Variants in VPS37B observed in about 807,000 individuals in gnomAD.
The protein encoded by VPS37B is VPS37B subunit of ESCRT-I, also known as vacuolar protein sorting-associated protein 37B.
A neutral mutation model predicts 21.2 loss-of-function variants in VPS37B; 11 were observed. The observed-to-expected ratio is 0.52, with a 90% CI of 0.33 to 0.86. The LOEUF is 0.86. VPS37B is among the 40% of genes least tolerant of loss of function. The pLI is 0.03. For synonymous variants in VPS37B, 175 were observed against 159.6 expected, an observed-to-expected ratio of 1.10 and a Z score of -0.73; for missense variants, 389 against 374.8, an observed-to-expected ratio of 1.04 and a Z score of -0.31.
chr12:122,870,789 T>A, intron 2 of VPS37B, 101 bp downstream of exon 2: 357 of 1,244,036 alleles, frequency 2.9e-4, no homozygotes, highest in East Asian at 9.0e-4. Context: ...TATCTTAACC[T>A]GAAATTTTTC....
At chr12:122,882,009 G>A (rs973631347) in intron 1 of VPS37B, 22 of 152,042 alleles carry the variant, frequency 1.4e-4, no homozygotes, top group Admixed American at 1.4e-3. Flanking sequence ...TTTCTAACAG[G>A]TAAGAACTTT....
At position 122,894,207 on chromosome 12, in the gene VPS37B, G is replaced by C. The variant is rs184648503; in HGVS notation, c.111+1745C>G. Among the ~76,000 whole-genome samples, 198 of 152,262 alleles carry C rather than the reference G, an allele frequency of 1.3e-3. 1 individual carries two copies. The highest frequency in any genetic ancestry group is 4.5e-3 in the African/African-American group (187 of 41,550). Reference sequence around the variant, plus strand: ...AAACTAAGCAAAGATTTTTTCTTTGGAGACATGAAACTCATTCAGCTAAGA... The same window carrying C: ...AAACTAAGCAAAGATTTTTTCTTTGCAGACATGAAACTCATTCAGCTAAGA... On this transcript the variant is annotated intron_variant, in intron 1 of 3. Transcript: ENST00000267202.
At chr12:122,883,883 G>A (rs961620859) in intron 1 of VPS37B, 2 of 152,214 alleles carry the variant, frequency 1.3e-5, no homozygotes, top group South Asian at 2.1e-4. Flanking sequence ...ACTAACAGGT[G>A]TCAATGGTTC....
intron 1 of VPS37B, chr12:122,872,473 G>A: frequency 1.0e-6 from 1 of 985,398 alleles, no homozygotes; most frequent in Non-Finnish European, 1.2e-6. Context: ...CTCGAAATGT[G>A]GGTGGTAGAA....
intron 1 of VPS37B, chr12:122,879,875 C>G (rs979279231): frequency 1.3e-5 from 2 of 152,062 alleles, no homozygotes; most frequent in Admixed American, 6.5e-5. Context: ...TTTGAGAGAC[C>G]GAGGCGGGCG....
At chr12:122,895,565 C>T (rs1025053152) in intron 1 of VPS37B, among the ~76,000 whole-genome samples, 1 of 151,954 alleles carries the variant, frequency 6.6e-6, no homozygotes, top group Non-Finnish European at 1.5e-5. Flanking sequence ...GCACTCTAAT[C>T]CCCAAATTCC....
Position 122,895,127 on chromosome 12 carries a change from A to T in VPS37B, c.111+825T>A, listed in dbSNP as rs189177256. ...GGGGCATTATTGGGACCCCTTAGAT[A>T]CATGGAACCTTCAAACCTTACCCTG... On this transcript the variant is annotated intron_variant, in intron 1 of 3. Transcript: ENST00000267202. Among the ~76,000 whole-genome samples the T allele has an allele frequency of 5.3e-5, 8 of 152,192 alleles. No individual in the cohort carries two copies. In the East Asian group the frequency reaches 1.5e-3, roughly 29 times the overall value.
At chr12:122,889,096 G>C (rs2034372066) in intron 1 of VPS37B, 1 of 154,040 alleles carries the variant, frequency 6.5e-6, no homozygotes, top group African/African-American at 2.4e-5. Context: ...CAGGCACTGT[G>C]CTGGGTGCCA....
At position 122,896,070 on chromosome 12, in the gene VPS37B, T is replaced by C. The variant is rs1029052208; in HGVS notation, c.-8A>G. 2 of 1,565,604 alleles carry C rather than the reference T, an allele frequency of 1.3e-6. No individual in the cohort carries two copies. The highest frequency in any genetic ancestry group is 2.8e-5 in the African/African-American group (2 of 70,602). ...GCTCCCGGCGCCCGCCATCCCCACGTCTCGGCCGTCGTCGCCACCGCCGCT... is the reference window on the plus strand; with the variant it reads ...GCTCCCGGCGCCCGCCATCCCCACGCCTCGGCCGTCGTCGCCACCGCCGCT... On this transcript the variant is annotated 5_prime_UTR_variant, in exon 1 of 4. Transcript: ENST00000267202.
intron 1 of VPS37B, chr12:122,871,690 T>C (rs183183274): frequency 3.0e-6 from 3 of 985,516 alleles, no homozygotes; most frequent in African/African-American, 3.5e-5. Flanking sequence ...GGGGGACATA[T>C]TTTGCCCATC....
rs1464557292 is a variant in VPS37B, at chr12:122,868,617, T to C, written c.284-55A>G. On this transcript the variant is annotated intron_variant, in intron 2 of 3. Coordinates refer to ENST00000267202, the MANE Select transcript of VPS37B (RefSeq NM_024667.3). This position sits in a 1 kb window ranked among gnomAD's most constrained non-coding sequence, Gnocchi z 5.5. ...GTGAGAGGTGTCCAGGTAAAGCCCTTCATGATGCCAACCACGGCAGGATTG... is the reference window on the plus strand; with the variant it reads ...GTGAGAGGTGTCCAGGTAAAGCCCTCCATGATGCCAACCACGGCAGGATTG... The C allele has an allele frequency of 6.7e-7, 1 of 1,493,904 alleles. No individual in the cohort carries two copies. Among genetic ancestry groups the C allele is most frequent in the Non-Finnish European group, 9.2e-7 (1 of 1,082,950 alleles). The allele number at this position is 1,493,904 out of a possible 1,614,324, so 92.5% of individuals were successfully genotyped here. A position where few individuals can be genotyped will look rare whatever the true frequency, so the allele number is the denominator to read the frequency against.
At chr12:122,876,365 G>A (rs2034149664) in intron 1 of VPS37B, 1 of 152,070 alleles carries the variant, frequency 6.6e-6, no homozygotes, top group African/African-American at 2.4e-5. Flanking sequence ...AAATGTGGAG[G>A]TCTCTTTTTA....
chr12:122,890,989 A>G (rs2034403629), intron 1 of VPS37B, among the ~76,000 whole-genome samples: 1 of 152,250 alleles, frequency 6.6e-6, no homozygotes, highest in Non-Finnish European at 1.5e-5. Flanking sequence ...TTAGCTAACA[A>G]TAACTATTTA....
chr12:122,867,063 A>G lies in VPS37B; in HGVS notation c.*53T>C. ...GACCTCCAGCCTCCTTCCCGTGAGC[A>G]GAGCACAACACGCCAGGTGGAAGAA... On this transcript the variant is annotated 3_prime_UTR_variant, in exon 4 of 4. Coordinates refer to ENST00000267202, the MANE Select transcript of VPS37B (RefSeq NM_024667.3). The surrounding 1 kb of genome is among the most constrained non-coding windows in gnomAD (Gnocchi z 5.5). 6.8e-7 allele frequency: 1 copy of G among 1,467,924 alleles called. No individual in the cohort carries two copies. Among genetic ancestry groups the G allele is most frequent in the East Asian group, 2.4e-5 (1 of 41,856 alleles). The allele number at this position is 1,467,924 out of a possible 1,614,324, so 90.9% of individuals were successfully genotyped here. A position where few individuals can be genotyped will look rare whatever the true frequency, so the allele number is the denominator to read the frequency against.
At chr12:122,879,739 A>AG (rs1341967575) in intron 1 of VPS37B, 1 of 152,254 alleles carries the variant, frequency 6.6e-6, no homozygotes. Flanking sequence ...AAGCCCCTTA[A>AG]GAGTAGAACC....
At position 122,870,927 on chromosome 12, in the gene VPS37B, A is replaced by G; in HGVS notation, c.246T>C (p.Val82=). Residue 82 remains valine, a synonymous_variant, in exon 2 of 4, where the codon GTT becomes GTC. Coordinates refer to ENST00000267202, the MANE Select transcript of VPS37B (RefSeq NM_024667.3). ...RLTQKYQELQ[V]LFEAYQIKKT... ...TCTTTATCTGATAGGCTTCAAAGAG[A>G]ACCTGGAGTTCCTGGTATTTCTGGG... 2.5e-6 allele frequency: 4 copies of G among 1,614,138 alleles called. No homozygotes were observed. The highest frequency in any genetic ancestry group is 3.4e-6 in the Non-Finnish European group (4 of 1,180,010).
At chr12:122,892,852 G>A (rs529741778) in intron 1 of VPS37B, among the ~76,000 whole-genome samples, 2 of 152,344 alleles carry the variant, frequency 1.3e-5, no homozygotes, top group African/African-American at 4.8e-5. Context: ...CCTGAGGTTA[G>A]GAGTTCAAAA....
At chr12:122,895,762 C>T (rs1001828641) in intron 1 of VPS37B, among the ~76,000 whole-genome samples, 190 bp downstream of exon 1, 1 of 151,678 alleles carries the variant, frequency 6.6e-6, no homozygotes, top group Admixed American at 6.6e-5. Flanking sequence ...CCTCTCAGGC[C>T]CCCTATTCCT....
At position 122,867,059 on chromosome 12, in the gene VPS37B, G is replaced by T; in HGVS notation, c.*57C>A. The stretch of plus-strand genomic sequence containing the variant: ...AGCGGACCTCCAGCCTCCTTCCCGT[G>T]AGCAGAGCACAACACGCCAGGTGGA... On this transcript the variant is annotated 3_prime_UTR_variant, in exon 4 of 4. Transcript: ENST00000267202. The surrounding 1 kb of genome is among the most constrained non-coding windows in gnomAD (Gnocchi z 5.5). 1.4e-6 allele frequency: 2 copies of T among 1,463,518 alleles called. No individual in the cohort carries two copies. Among genetic ancestry groups the T allele is most frequent in the South Asian group, 1.5e-5 (1 of 68,398 alleles). The allele number at this position is 1,463,518 out of a possible 1,614,324, so 90.7% of individuals were successfully genotyped here. A position where few individuals can be genotyped will look rare whatever the true frequency, so the allele number is the denominator to read the frequency against.
Sources: allele counts gnomAD v4.1 joint callset (sites outside exome capture counted in the v4.1 genomes callset), GRCh38; gene constraint gnomAD v4.1.1; non-coding constraint Gnocchi (gnomAD v3.1); transcripts MANE v1.5; gene names NCBI Gene and HGNC (gene_info 2026-07-23, HGNC 2026-07-21).